The following FRMD4A variants were observed in gnomAD, a reference collection of about 807,000 sequenced individuals.
FRMD4A encodes the protein FERM domain-containing protein 4A.
Under a neutral mutation model 129.1 loss-of-function variants are expected in FRMD4A, and 29 were observed. The observed-to-expected ratio is 0.22, with a 90% CI of 0.17 to 0.31. The LOEUF (loss-of-function observed/expected upper bound fraction) is 0.31. Ranked by LOEUF, FRMD4A falls within the 10% of genes least tolerant of loss-of-function variation. The pLI is 1.00. For synonymous variants in FRMD4A, 634 were observed against 571.6 expected, an observed-to-expected ratio of 1.11 and a Z score of -1.56; for missense variants, 1,272 against 1,375.8, an observed-to-expected ratio of 0.92 and a Z score of 1.19.
intron 12 of FRMD4A, among the ~76,000 whole-genome samples, chr10:13,716,953 C>A (rs1386270930): frequency 6.9e-6 from 1 of 145,626 alleles, no homozygotes; most frequent in African/African-American, 2.5e-5. Flanking sequence ...CCTTTCCTAT[C>A]CTCTGCCCCC....
chr10:13,804,382 C>A (rs746501628), intron 4 of FRMD4A, among the ~76,000 whole-genome samples: 2 of 152,108 alleles, frequency 1.3e-5, no homozygotes, highest in Non-Finnish European at 2.9e-5. Context: ...AATGACTGAA[C>A]CCTTTTCAGA....
rs561166483 is a variant in FRMD4A, at chr10:13,952,999, A to C, written c.46-94087T>G. Among the ~76,000 whole-genome samples, 5 of 152,208 alleles carry C rather than the reference A, an allele frequency of 3.3e-5. No individual in the cohort carries two copies. In the East Asian group the frequency reaches 9.7e-4, roughly 29 times the overall value. On this transcript the variant is annotated intron_variant, in intron 2 of 24. Transcript: ENST00000357447. ...GGTGTGAGCCACCCTGCCCGGCCCAAATTATGTAAACTTTAACGCTCAGTA... is the reference window on the plus strand; with the variant it reads ...GGTGTGAGCCACCCTGCCCGGCCCACATTATGTAAACTTTAACGCTCAGTA...
At chr10:14,113,785 T>C (rs1005913933) in intron 2 of FRMD4A, among the ~76,000 whole-genome samples, 1 of 151,890 alleles carries the variant, frequency 6.6e-6, no homozygotes, top group Non-Finnish European at 1.5e-5. Flanking sequence ...CGCGCGTGTG[T>C]GCGTGTGTGT....
chr10:13,896,135 A>G (rs12257422), intron 2 of FRMD4A, among the ~76,000 whole-genome samples: 23,088 of 152,164 alleles, frequency 0.15, 1,926 homozygotes, highest in African/African-American at 0.19. Flanking sequence ...TCTAGAACCA[A>G]AAATCCCATT....
At chr10:14,078,083 A>G (rs1377691969) in intron 2 of FRMD4A, among the ~76,000 whole-genome samples, 1 of 152,224 alleles carries the variant, frequency 6.6e-6, no homozygotes, top group Non-Finnish European at 1.5e-5. Context: ...TGACCCTGTT[A>G]TTAGATTTCT....
rs1170675564 is a variant in FRMD4A at position 14,194,661 on chromosome 10, C to A, written c.45+135397G>T. 3.9e-5 allele frequency among the ~76,000 whole-genome samples: 6 copies of A among 152,308 alleles called. No homozygotes were observed. In the East Asian group the frequency reaches 1.2e-3, roughly 29 times the overall value. ...CAAGGAGCATTCCTACTTCCTGCTTCAGGAAATGTTCATTTCTGAGATGTC... is the reference window on the plus strand; with the variant it reads ...CAAGGAGCATTCCTACTTCCTGCTTAAGGAAATGTTCATTTCTGAGATGTC... On this transcript the variant is annotated intron_variant, in intron 2 of 24. Coordinates refer to ENST00000357447, the MANE Select transcript of FRMD4A (RefSeq NM_018027.5).
chr10:14,188,399 G>T (rs1842213994), intron 2 of FRMD4A, among the ~76,000 whole-genome samples: 1 of 152,140 alleles, frequency 6.6e-6, no homozygotes, highest in South Asian at 2.1e-4. Flanking sequence ...CATTATACAA[G>T]CTCTTCACTT....
chr10:13,715,189 G>C (rs569078154), intron 12 of FRMD4A, among the ~76,000 whole-genome samples: 127 of 152,232 alleles, frequency 8.3e-4, no homozygotes, highest in African/African-American at 3.0e-3. Flanking sequence ...ACCCTGGGTG[G>C]GAGGTCAGGA....
chr10:14,158,190 G>T (rs2131864723), intron 2 of FRMD4A, among the ~76,000 whole-genome samples: 1 of 152,264 alleles, frequency 6.6e-6, no homozygotes. Flanking sequence ...ATTTGGAGAA[G>T]AAAAATTGCA....
In FRMD4A at chr10:13,873,176, C is replaced by CAA. The variant is rs201298334; in HGVS notation, c.46-14266_46-14265dup. ...GGGTGAAAAGAGAGAGACACTGTCT[C>CAA]AAAAAAAATAAAATAAAATAAAAAA... On this transcript the variant is annotated intron_variant, in intron 2 of 24. Coordinates refer to ENST00000357447, the MANE Select transcript of FRMD4A (RefSeq NM_018027.5). Among the ~76,000 whole-genome samples, 13 of 107,680 alleles carry CAA rather than the reference C, an allele frequency of 1.2e-4. No individual in the cohort carries two copies. The South Asian group carries it at 1.3e-3, about 11-fold the overall frequency. The allele number at this position is 107,680 out of a possible 152,430, so 70.6% of individuals were successfully genotyped here.
chr10:14,185,811 G>T (rs770823425), intron 2 of FRMD4A, among the ~76,000 whole-genome samples: 1 of 152,142 alleles, frequency 6.6e-6, no homozygotes, highest in Non-Finnish European at 1.5e-5. Flanking sequence ...GGCGGAATAG[G>T]GTAGACAGGG....
At chr10:14,288,987 G>C (rs138219575) in intron 2 of FRMD4A, among the ~76,000 whole-genome samples, 2 of 152,174 alleles carry the variant, frequency 1.3e-5, no homozygotes, top group Non-Finnish European at 2.9e-5. Flanking sequence ...TAACATTCCA[G>C]TATATGTATA....
At chr10:13,813,737 CTGTA>C (rs1281746998) in intron 3 of FRMD4A, among the ~76,000 whole-genome samples, 1 of 152,210 alleles carries the variant, frequency 6.6e-6, no homozygotes, top group Non-Finnish European at 1.5e-5. Context: ...ACTCTTGTGA[CTGTA>C]TGGCTGAGCA....
At chr10:13,941,287 C>T (rs541106675) in intron 2 of FRMD4A, among the ~76,000 whole-genome samples, 1 of 152,228 alleles carries the variant, frequency 6.6e-6, no homozygotes, top group South Asian at 2.1e-4. Flanking sequence ...TGCTTGGCTC[C>T]CATTCTCTCT....
At chr10:14,018,941 C>T (rs958905536) in intron 2 of FRMD4A, among the ~76,000 whole-genome samples, 3 of 152,038 alleles carry the variant, frequency 2.0e-5, no homozygotes, top group African/African-American at 4.8e-5. Flanking sequence ...AAGAGAATAC[C>T]GATCACTAGA....
chr10:14,321,306 A>T (rs1399626108), intron 2 of FRMD4A, among the ~76,000 whole-genome samples: 1 of 151,554 alleles, frequency 6.6e-6, no homozygotes, highest in Non-Finnish European at 1.5e-5. Context: ...ATCTAGTGAT[A>T]AGTAAAATTT....
chr10:13,691,448 G>A (rs1242896485), intron 15 of FRMD4A, among the ~76,000 whole-genome samples: 5 of 152,076 alleles, frequency 3.3e-5, no homozygotes, highest in Admixed American at 6.6e-5. Flanking sequence ...ACCAGGACAC[G>A]GGCTTAAAAC....
At chr10:14,077,963 A>C (rs1835707843) in intron 2 of FRMD4A, among the ~76,000 whole-genome samples, 1 of 152,220 alleles carries the variant, frequency 6.6e-6, no homozygotes, top group South Asian at 2.1e-4. Context: ...TGAGGAAAGA[A>C]GAAGATGAGA....
chr10:13,876,283 G>C (rs984296392), intron 2 of FRMD4A, among the ~76,000 whole-genome samples: 4 of 152,186 alleles, frequency 2.6e-5, no homozygotes, highest in Non-Finnish European at 5.9e-5. Flanking sequence ...ATTTACTTGT[G>C]ATGTTTCCTT....
Sources: allele counts gnomAD v4.1 joint callset (sites outside exome capture counted in the v4.1 genomes callset), GRCh38; gene constraint gnomAD v4.1.1; transcripts MANE v1.5; gene names NCBI Gene and HGNC (gene_info 2026-07-23, HGNC 2026-07-21).